CTNS: variants seen among roughly 807,000 people sequenced by gnomAD.
CTNS encodes cystinosin, lysosomal cystine transporter, also known as cystinosin.
CTNS carries 27 observed loss-of-function variants against 43.7 expected under a neutral mutation model. The ratio of observed to expected loss-of-function variants is 0.62; its 90% CI spans 0.46 to 0.85. The LOEUF (loss-of-function observed/expected upper bound fraction) is 0.85. CTNS is among the 40% of genes least tolerant of loss of function. The pLI is 0.00. For synonymous variants in CTNS, 187 were observed against 190.6 expected (o/e 0.98, Z 0.16); for missense variants, 457 against 475.4 (o/e 0.96, Z 0.36).
In CTNS at chr17:3,660,422, G is replaced by T. The variant is rs1157793608; in HGVS notation, c.*53G>T. On this transcript the variant is annotated 3_prime_UTR_variant, in exon 12 of 12. Transcript: ENST00000046640. ...CTGGCCTCGTGCCCTGCTGGGGAAGGCCTCACCCAGCGAAGGCCGGAGAAG... is the reference window on the plus strand; with the variant it reads ...CTGGCCTCGTGCCCTGCTGGGGAAGTCCTCACCCAGCGAAGGCCGGAGAAG... 1.2e-5 allele frequency: 20 copies of T among 1,613,738 alleles called. No individual in the cohort carries two copies. Among genetic ancestry groups the T allele is most frequent in the Non-Finnish European group, 1.6e-5 (19 of 1,180,044 alleles).
intron 2 of CTNS, 109 bp downstream of exon 2, chr17:3,637,425 C>T (rs1409855308): frequency 1.3e-5 from 2 of 151,902 alleles, no homozygotes; most frequent in Non-Finnish European, 2.9e-5. Context: ...GGCCACAAAC[C>T]ATTGTAATAG....
chr17:3,661,089 A>T lies in CTNS; in HGVS notation c.*720A>T. On this transcript the variant is annotated 3_prime_UTR_variant, in exon 12 of 12. Coordinates refer to ENST00000046640, the MANE Select transcript of CTNS (RefSeq NM_004937.3). ...CTTACTCTCTTCTGCCCTCTCTCCT[A>T]CCTCCACCTTCTCAGATTAGCCCCA... 2.8e-6 allele frequency: 1 copy of T among 353,830 alleles called. No individual in the cohort carries two copies. The highest frequency in any genetic ancestry group is 5.5e-6 in the Non-Finnish European group (1 of 181,670). The allele number at this position is 353,830 out of a possible 1,614,324, so 21.9% of individuals were successfully genotyped here. A position where few individuals can be genotyped will look rare whatever the true frequency, so the allele number is the denominator to read the frequency against.
intron 2 of CTNS, among the ~76,000 whole-genome samples, chr17:3,639,951 A>AG (rs2075643817): frequency 6.6e-6 from 1 of 152,064 alleles, no homozygotes; most frequent in South Asian, 2.1e-4. Context: ...TCACTTCCTC[A>AG]GGGGGGCACT....
intron 9 of CTNS, chr17:3,657,777 G>A (rs2076188615): frequency 1.7e-6 from 1 of 588,442 alleles, no homozygotes; most frequent in Admixed American, 3.0e-5. Flanking sequence ...ATGAGAAGGT[G>A]TGGTTGGTGC....
rs921367015 is a variant in CTNS, at chr17:3,643,588, G to A, written c.61+3321G>A. 3.9e-5 allele frequency among the ~76,000 whole-genome samples: 5 copies of A among 127,196 alleles called. No homozygotes were observed. In the East Asian group the frequency reaches 6.1e-4, roughly 15 times the overall value. The allele number at this position is 127,196 out of a possible 152,430, so 83.4% of individuals were successfully genotyped here. ...TACAAAAAAAAATTTTTTTTTAAACGGATTCTCACTCAGTTGCACAGGCTG... is the reference window on the plus strand; with the variant it reads ...TACAAAAAAAAATTTTTTTTTAAACAGATTCTCACTCAGTTGCACAGGCTG... On this transcript the variant is annotated intron_variant, in intron 3 of 11. Coordinates refer to ENST00000046640, the MANE Select transcript of CTNS (RefSeq NM_004937.3).
At chr17:3,659,580 G>A (rs567836897) in intron 10 of CTNS, among the ~76,000 whole-genome samples, 2 of 152,358 alleles carry the variant, frequency 1.3e-5, no homozygotes, top group East Asian at 1.9e-4. Flanking sequence ...AGGAGACGGG[G>A]AAGGCCGCAT....
chr17:3,640,383 T>C (rs2075655886), intron 3 of CTNS, 116 bp downstream of exon 3: 2 of 1,195,936 alleles, frequency 1.7e-6, no homozygotes, highest in African/African-American at 1.5e-5. Context: ...CATGTCTCTG[T>C]CTGCCTCTTG....
In CTNS at chr17:3,641,372, ATATATATATATATTTT is replaced by A. The variant is rs2075692345; in HGVS notation, c.61+1107_61+1122del. ...AAAAATCAGATACATATATATATAT[ATATATATATATATTTT>A]TTTTTTTTTTTTTTTTTTTTTGAGA... On this transcript the variant is annotated intron_variant, in intron 3 of 11. Transcript: ENST00000046640. 9.7e-5 allele frequency among the ~76,000 whole-genome samples: 5 copies of A among 51,294 alleles called. 1 individual carries two copies. The South Asian group carries it at 3.9e-3, about 40-fold the overall frequency. The allele number at this position is 51,294 out of a possible 152,430, so 33.7% of individuals were successfully genotyped here. A position where few individuals can be genotyped will look rare whatever the true frequency, so the allele number is the denominator to read the frequency against.
rs139519275 is a variant in CTNS, at chr17:3,658,157, G to T, written c.834G>T (p.Leu278=). 5.0e-6 allele frequency: 8 copies of T among 1,612,006 alleles called. No individual in the cohort carries two copies. Among genetic ancestry groups the T allele is most frequent in the Non-Finnish European group, 4.2e-6 (5 of 1,179,766 alleles). Residue 278 remains leucine (L), a synonymous_variant, in exon 10 of 12, where the codon CTG becomes CTT. Transcript: ENST00000046640. ...CCTACATCAAGCTCGCAGTCACGCT[G>T]GTCAAGTATTTTCCACAGGTACCTC... ...CFSYIKLAVT[L]VKYFPQAYMN...
At chr17:3,660,071 T>A in intron 11 of CTNS, 96 bp downstream of exon 11, 2 of 1,439,996 alleles carry the variant, frequency 1.4e-6, no homozygotes. Flanking sequence ...CACCCCCACC[T>A]GGGATCCAAG....
At chr17:3,660,116 G>T in intron 11 of CTNS, 120 bp from the exon 12 acceptor site, 1 of 1,480,158 alleles carries the variant, frequency 6.8e-7, no homozygotes, top group Non-Finnish European at 9.4e-7. Flanking sequence ...CCACCTAGGG[G>T]CCTTCGTAGC....
Position 3,640,316 on chromosome 17 carries a change from T to G in CTNS, c.61+49T>G, listed in dbSNP as rs760604266. On this transcript the variant is annotated intron_variant, in intron 3 of 11. Coordinates refer to ENST00000046640, the MANE Select transcript of CTNS (RefSeq NM_004937.3). ...ACTTTGTAAAGAGGGAAATGGTGGC[T>G]AGAGGAAGGAGTAATCTGATCTGTT... 6 of 1,541,656 alleles carry G rather than the reference T, an allele frequency of 3.9e-6. No individual in the cohort carries two copies. The African/African-American group carries it at 6.8e-5, about 17-fold the overall frequency.
intron 3 of CTNS, among the ~76,000 whole-genome samples, chr17:3,645,597 C>A (rs1314417290): frequency 6.6e-6 from 1 of 152,094 alleles, no homozygotes. Context: ...TGGTGGCTCA[C>A]ACCTGTAGTC....
In CTNS at chr17:3,647,425, T is replaced by C; in HGVS notation, c.62-19T>C. The C allele has an allele frequency of 2.5e-6, 4 of 1,611,522 alleles. No individual in the cohort carries two copies. Among genetic ancestry groups the C allele is most frequent in the Non-Finnish European group, 3.4e-6 (4 of 1,177,592 alleles). On this transcript the variant is annotated intron_variant, in intron 3 of 11. Coordinates refer to ENST00000046640, the MANE Select transcript of CTNS (RefSeq NM_004937.3). ...AACTCTGACCCAGTGCCTCATGTCA[T>C]TGATTTGGGTCCTTCCAGAGTCAAG...
chr17:3,648,751 T>A, intron 4 of CTNS, 96 bp from the exon 5 acceptor site: 1 of 1,046,736 alleles, frequency 9.6e-7, no homozygotes, highest in South Asian at 1.3e-5. Flanking sequence ...TAAGCCTAAC[T>A]GCTTGAGAGT....
At chr17:3,647,727 T>C (rs1317485166) in intron 4 of CTNS, 3 of 612,716 alleles carry the variant, frequency 4.9e-6, no homozygotes, top group South Asian at 3.7e-5. Flanking sequence ...AGTCCTCACT[T>C]TCCCTGGCAG....
In CTNS at chr17:3,660,424, C is replaced by T; in HGVS notation, c.*55C>T. 1 of 1,613,918 alleles carries T rather than the reference C, an allele frequency of 6.2e-7. No homozygotes were observed. Among genetic ancestry groups the T allele is most frequent in the South Asian group, 1.1e-5 (1 of 91,048 alleles). ...GGCCTCGTGCCCTGCTGGGGAAGGCCTCACCCAGCGAAGGCCGGAGAAGCG... is the reference window on the plus strand; with the variant it reads ...GGCCTCGTGCCCTGCTGGGGAAGGCTTCACCCAGCGAAGGCCGGAGAAGCG... On this transcript the variant is annotated 3_prime_UTR_variant, in exon 12 of 12. Transcript: ENST00000046640.
rs2076095312 is a variant in CTNS, at chr17:3,655,112, C to T, written c.329+11C>T. The T allele has an allele frequency of 6.2e-7, 1 of 1,613,754 alleles. No individual in the cohort carries two copies. Among genetic ancestry groups the T allele is most frequent in the Non-Finnish European group, 8.5e-7 (1 of 1,179,734 alleles). On this transcript the variant is annotated intron_variant, in intron 6 of 11. Coordinates refer to ENST00000046640, the MANE Select transcript of CTNS (RefSeq NM_004937.3). ...CTCCAATCAGACCGGGTAGGCTGGC[C>T]TCAGGGTGTGCGGGCCTCACGTGAC... is the stretch of plus-strand genomic sequence containing the variant.
rs551866260 is a variant in CTNS at position 3,638,992 on chromosome 17, G to A, written c.-19-1196G>A. On this transcript the variant is annotated intron_variant, in intron 2 of 11. Coordinates refer to ENST00000046640, the MANE Select transcript of CTNS (RefSeq NM_004937.3). The stretch of plus-strand genomic sequence containing the variant: ...GCAAAGAGAGAACCCTGGAGGAGAC[G>A]GGCCAACAGAGGTCAGACAGCTGGA... 3.3e-5 allele frequency among the ~76,000 whole-genome samples: 5 copies of A among 152,234 alleles called. No individual in the cohort carries two copies. In the East Asian group the frequency reaches 5.8e-4, roughly 18 times the overall value.
Sources: gnomAD v4.1 joint callset for allele counts (sites outside exome capture counted in the v4.1 genomes callset) on GRCh38, gnomAD v4.1.1 for gene constraint, MANE v1.5 for transcripts, NCBI Gene and HGNC (gene_info 2026-07-23, HGNC 2026-07-21) for gene names.